Variants in KCNMA1 observed in about 807,000 individuals in gnomAD.
KCNMA1 encodes potassium calcium-activated channel subfamily M alpha 1.
In KCNMA1, 29 loss-of-function variants were observed where a neutral mutation model predicts 140.0. That is an observed-to-expected ratio of 0.21 (90% CI 0.15 to 0.28). The LOEUF (loss-of-function observed/expected upper bound fraction) is 0.28. Among genes scored for constraint, KCNMA1 ranks in the 10% least tolerant of loss-of-function variants. The pLI is 1.00. For synonymous variants in KCNMA1, 612 were observed against 611.9 expected, an observed-to-expected ratio of 1.00 and a Z score of 0.00; for missense variants, 880 against 1,602.2, an observed-to-expected ratio of 0.55 and a Z score of 7.70.
intron 20 of KCNMA1, among the ~76,000 whole-genome samples, chr10:76,954,598 T>G (rs972561348): frequency 6.6e-6 from 1 of 152,198 alleles, no homozygotes; most frequent in African/African-American, 2.4e-5. Context: ...GAATACATGA[T>G]TTCAATACTA....
chr10:77,173,812 T>C (rs955271656), intron 5 of KCNMA1, among the ~76,000 whole-genome samples: 1 of 152,154 alleles, frequency 6.6e-6, no homozygotes, highest in African/African-American at 2.4e-5. Flanking sequence ...CTGGGGGCAC[T>C]CAGGGGCCCT....
intron 1 of KCNMA1, among the ~76,000 whole-genome samples, chr10:77,559,873 A>G (rs77324766): frequency 0.079 from 11,984 of 152,142 alleles, 844 homozygotes; most frequent in African/African-American, 0.19. Flanking sequence ...ATTCAGCCCG[A>G]TATGTTTAAA....
chr10:76,883,729 T>TTTTTG (rs1554855341), downstream of KCNMA1, among the ~76,000 whole-genome samples: 3 of 150,250 alleles, frequency 2.0e-5, no homozygotes, highest in East Asian at 3.9e-4. Flanking sequence ...TTGTTTTTTT[T>TTTTTG]TTTTTTTTTT....
At chr10:77,287,990 G>A (rs988958023) in intron 2 of KCNMA1, among the ~76,000 whole-genome samples, 8 of 152,226 alleles carry the variant, frequency 5.3e-5, no homozygotes, top group Non-Finnish European at 1.2e-4. Context: ...AGGGGATCAA[G>A]TGGCAATAAA....
At chr10:77,595,859 C>A (rs1262503393) in intron 1 of KCNMA1, among the ~76,000 whole-genome samples, 1 of 152,172 alleles carries the variant, frequency 6.6e-6, no homozygotes, top group African/African-American at 2.4e-5. Context: ...CCCATATTGG[C>A]CAGGCTGGTC....
At chr10:77,397,124 TAGTG>T (rs2154452061) in intron 2 of KCNMA1, among the ~76,000 whole-genome samples, 1 of 152,244 alleles carries the variant, frequency 6.6e-6, no homozygotes, top group Admixed American at 6.5e-5. Flanking sequence ...ACAATGTGGA[TAGTG>T]AGAGTATGTG....
intron 2 of KCNMA1, among the ~76,000 whole-genome samples, chr10:77,352,999 A>G (rs1031870669): frequency 4.6e-5 from 7 of 152,246 alleles, no homozygotes; most frequent in Admixed American, 3.9e-4. Flanking sequence ...ATGGAAGACA[A>G]TCCCCTGAAT....
intron 14 of KCNMA1, among the ~76,000 whole-genome samples, chr10:77,050,891 A>G (rs551880128): frequency 2.3e-4 from 35 of 152,302 alleles, no homozygotes; most frequent in Middle Eastern, 3.4e-3. Flanking sequence ...GCTTTTAGAC[A>G]ATTAAGCACA....
intron 23 of KCNMA1, among the ~76,000 whole-genome samples, chr10:76,924,357 TTATATC>T (rs1010391022): frequency 8.1e-4 from 124 of 152,238 alleles, no homozygotes; most frequent in African/African-American, 2.8e-3. Flanking sequence ...GTAAAAGTAT[TTATATC>T]TATGGAAATA....
intron 14 of KCNMA1, among the ~76,000 whole-genome samples, chr10:77,039,873 TTTTC>T (rs1376223032): frequency 1.8e-5 from 2 of 109,670 alleles, no homozygotes; most frequent in East Asian, 5.0e-4. Flanking sequence ...CCTTTTTCTT[TTTTC>T]TTTTTCTTTT....
chr10:77,098,677 C>T (rs2097006668), intron 9 of KCNMA1, among the ~76,000 whole-genome samples: 1 of 152,114 alleles, frequency 6.6e-6, no homozygotes, highest in African/African-American at 2.4e-5. Context: ...TTTACCTTTA[C>T]TTTGGTTTCT....
chr10:77,117,539 C>CAAAAAAAAAAAAAAA (rs56926398), intron 6 of KCNMA1, among the ~76,000 whole-genome samples: 54 of 22,444 alleles, frequency 2.4e-3, no homozygotes, highest in African/African-American at 2.6e-3. Flanking sequence ...GAGTCTATCT[C>CAAAAAAAAAAAAAAA]AAAAAAAAAA....
intron 16 of KCNMA1, chr10:77,025,500 TA>T: frequency 6.6e-7 from 1 of 1,526,464 alleles, no homozygotes; most frequent in Non-Finnish European, 9.0e-7. Context: ...AACAATTTGA[TA>T]ATAAATCGAC....
intron 23 of KCNMA1, among the ~76,000 whole-genome samples, chr10:76,937,924 T>C (rs1565033384): frequency 6.7e-6 from 1 of 150,072 alleles, no homozygotes; most frequent in Non-Finnish European, 1.5e-5. Flanking sequence ...TGTGTGTGTG[T>C]GTTTGTGTGT....
chr10:77,329,608 A>G (rs1002642735), intron 2 of KCNMA1, among the ~76,000 whole-genome samples: 1 of 152,244 alleles, frequency 6.6e-6, no homozygotes, highest in African/African-American at 2.4e-5. Context: ...AGCAGCTCAA[A>G]TGAACTAAAA....
intron 1 of KCNMA1, among the ~76,000 whole-genome samples, chr10:77,603,776 T>G (rs1429100920): frequency 6.6e-6 from 1 of 152,126 alleles, no homozygotes; most frequent in East Asian, 1.9e-4. Flanking sequence ...GTCTCTCAGA[T>G]CAAGAACAGC....
intron 1 of KCNMA1, among the ~76,000 whole-genome samples, chr10:77,536,794 A>G (rs1296497023): frequency 1.3e-5 from 2 of 152,174 alleles, no homozygotes; most frequent in Admixed American, 6.5e-5. Flanking sequence ...TGCACCCTCA[A>G]TTGGTGTCAT....
At chr10:77,236,042 G>C (rs2055327844) in intron 3 of KCNMA1, among the ~76,000 whole-genome samples, 1 of 152,134 alleles carries the variant, frequency 6.6e-6, no homozygotes, top group Non-Finnish European at 1.5e-5. Context: ...GGGTTACATG[G>C]TATCCATCCA....
chr10:77,619,581 TG>T (rs2090757541), intron 1 of KCNMA1, among the ~76,000 whole-genome samples: 2 of 152,112 alleles, frequency 1.3e-5, no homozygotes, highest in Admixed American at 1.3e-4. Context: ...TGAGGAGTCG[TG>T]GTTCACTGAG....
Sources: gnomAD v4.1 joint callset for allele counts (sites outside exome capture counted in the v4.1 genomes callset) on GRCh38, gnomAD v4.1.1 for gene constraint, MANE v1.5 for transcripts, NCBI Gene and HGNC (gene_info 2026-07-23, HGNC 2026-07-21) for gene names.